Variants in KLF12 observed in about 807,000 individuals in gnomAD.
KLF12 encodes KLF transcription factor 12.
A neutral mutation model predicts 37.8 loss-of-function variants in KLF12; 9 were observed. The ratio of observed to expected loss-of-function variants is 0.24; its 90% CI spans 0.14 to 0.42. The LOEUF is 0.42. Among genes scored for constraint, KLF12 ranks in the 10% least tolerant of loss-of-function variants. The pLI is 1.00. For missense variants in KLF12, 411 were observed against 516.0 expected (o/e 0.80, Z 1.97); for synonymous variants, 208 against 202.1 (o/e 1.03, Z -0.25).
intron 1 of KLF12, among the ~76,000 whole-genome samples, chr13:74,024,592 T>C (rs1566508469): frequency 1.3e-5 from 2 of 152,172 alleles, no homozygotes; most frequent in South Asian, 2.1e-4. Flanking sequence ...AGTAATTCCA[T>C]AGGTACAAAT....
chr13:73,793,052 A>G (rs1292446782), intron 5 of KLF12, among the ~76,000 whole-genome samples: 1 of 152,224 alleles, frequency 6.6e-6, no homozygotes, highest in African/African-American at 2.4e-5. Flanking sequence ...GCAGACATGA[A>G]TTTGAAAACA....
chr13:74,254,334 T>A, the KLF12 span, among the ~76,000 whole-genome samples: 21 of 152,184 alleles, frequency 1.4e-4, no homozygotes, highest in Non-Finnish European at 2.6e-4. Flanking sequence ...TCCATTCACC[T>A]TGGGTTTTGA....
intron 3 of KLF12, among the ~76,000 whole-genome samples, chr13:73,892,077 C>G (rs1008738718): frequency 2.6e-5 from 4 of 151,726 alleles, no homozygotes; most frequent in South Asian, 2.1e-4. Context: ...AGTATTTATC[C>G]TGGGGCCCAG....
At chr13:74,065,910 A>C (rs1425584999) in intron 1 of KLF12, among the ~76,000 whole-genome samples, 6 of 152,036 alleles carry the variant, frequency 3.9e-5, no homozygotes, top group Non-Finnish European at 7.4e-5. Context: ...GAAGGGGAGC[A>C]AGCAGTAGAC....
chr13:73,754,218 T>G (rs1042514361), intron 6 of KLF12, among the ~76,000 whole-genome samples: 2 of 152,304 alleles, frequency 1.3e-5, no homozygotes, highest in East Asian at 3.9e-4. Context: ...CTACCCAGGC[T>G]TCTTTCCATT....
the KLF12 span, among the ~76,000 whole-genome samples, chr13:74,249,594 G>A: frequency 9.2e-5 from 14 of 152,082 alleles, no homozygotes; most frequent in Non-Finnish European, 1.8e-4. Flanking sequence ...AAATGACAAG[G>A]TTTCTTACTT....
intron 5 of KLF12, among the ~76,000 whole-genome samples, chr13:73,789,908 C>T (rs1276740499): frequency 6.6e-6 from 1 of 152,070 alleles, no homozygotes; most frequent in Non-Finnish European, 1.5e-5. Flanking sequence ...GATCTCCTGA[C>T]CTTGTGATCC....
rs756384551 is a variant in KLF12 at position 73,813,282 on chromosome 13, T to C, written c.676A>G (p.Met226Val). 4 of 1,613,958 alleles carry C rather than the reference T, an allele frequency of 2.5e-6. No homozygotes were observed. The East Asian group carries it at 8.9e-5, about 36-fold the overall frequency. ...CTGGGAGATAGGCCTCGGGGGTCCATTTGTGCTGGAGAGAAAAGGCATATA... is the reference window on the plus strand; with the variant it reads ...CTGGGAGATAGGCCTCGGGGGTCCACTTGTGCTGGAGAGAAAAGGCATATA... Residue 226 changes from methionine to valine, a missense_variant, in exon 5 of 8, where the codon ATG becomes GTG. Met to Val is a conservative substitution (Grantham distance 21, BLOSUM62 1). Transcript: ENST00000377669.
intron 1 of KLF12, among the ~76,000 whole-genome samples, chr13:74,064,459 A>G (rs1873793176): frequency 6.6e-6 from 1 of 152,214 alleles, no homozygotes; most frequent in African/African-American, 2.4e-5. Flanking sequence ...GGGTGGCTGC[A>G]ATCGTTTTGT....
intron 1 of KLF12, among the ~76,000 whole-genome samples, chr13:74,021,254 G>A (rs1892834039): frequency 6.6e-6 from 1 of 151,852 alleles, no homozygotes; most frequent in Non-Finnish European, 1.5e-5. Context: ...GAATGATCAG[G>A]CATTTGACTC....
chr13:73,974,061 A>C (rs1891427947), intron 2 of KLF12, among the ~76,000 whole-genome samples: 1 of 152,188 alleles, frequency 6.6e-6, no homozygotes. Context: ...TTAATTCCAA[A>C]GAATACAGAG....
intron 6 of KLF12, among the ~76,000 whole-genome samples, chr13:73,736,780 A>G (rs1481127407): frequency 2.0e-5 from 3 of 152,196 alleles, no homozygotes; most frequent in Non-Finnish European, 2.9e-5. Flanking sequence ...GTGCAAGTTC[A>G]GGTTTATTCA....
At chr13:74,107,359 T>G (rs1301305058) in intron 1 of KLF12, among the ~76,000 whole-genome samples, 3 of 152,236 alleles carry the variant, frequency 2.0e-5, no homozygotes, top group Non-Finnish European at 4.4e-5. Context: ...CAATCAATTC[T>G]ACTCCAAACT....
chr13:73,788,650 T>A (rs899397376), intron 5 of KLF12, among the ~76,000 whole-genome samples: 15 of 152,192 alleles, frequency 9.9e-5, no homozygotes, highest in African/African-American at 2.7e-4. Context: ...ATTTTTTTTT[T>A]TTATTTTTAA....
chr13:73,960,966 A>G (rs1354647951), intron 2 of KLF12, among the ~76,000 whole-genome samples: 3 of 152,068 alleles, frequency 2.0e-5, no homozygotes, highest in Non-Finnish European at 2.9e-5. Context: ...TTATTTTTTA[A>G]CTACAGGGAG....
chr13:74,130,718 G>C (rs1384107372), intron 1 of KLF12, among the ~76,000 whole-genome samples: 1 of 151,596 alleles, frequency 6.6e-6, no homozygotes, highest in East Asian at 1.9e-4. Context: ...AACTGTCTTG[G>C]GATTTTAGCT....
At chr13:74,148,403 CTTTTTTTTT>C in the KLF12 span, among the ~76,000 whole-genome samples, 69 of 73,500 alleles carry the variant, frequency 9.4e-4, no homozygotes, top group African/African-American at 3.4e-3. Context: ...CAAAACTGCT[CTTTTTTTTT>C]TTTTTTTTTT....
chr13:74,099,773 T>C (rs1210673098), intron 1 of KLF12, among the ~76,000 whole-genome samples: 6 of 152,212 alleles, frequency 3.9e-5, no homozygotes. Flanking sequence ...AGACCATGTC[T>C]ATCTCCACTT....
intron 5 of KLF12, among the ~76,000 whole-genome samples, chr13:73,777,165 A>G (rs1443960949): frequency 6.6e-6 from 1 of 152,156 alleles, no homozygotes; most frequent in African/African-American, 2.4e-5. Flanking sequence ...GTGTCCTAAG[A>G]TACAGCTTTT....
Sources: gnomAD v4.1 joint callset for allele counts (sites outside exome capture counted in the v4.1 genomes callset) on GRCh38, gnomAD v4.1.1 for gene constraint, MANE v1.5 for transcripts, NCBI Gene and HGNC (gene_info 2026-07-23, HGNC 2026-07-21) for gene names.